Variants in AGBL1 observed in about 807,000 individuals in gnomAD.
AGBL1 encodes cytosolic carboxypeptidase 4.
A neutral mutation model predicts 118.9 loss-of-function variants in AGBL1; 130 were observed. The observed-to-expected ratio is 1.09, with a 90% confidence interval of 0.95 to 1.26. AGBL1 has a LOEUF of 1.26. Ranked by LOEUF, AGBL1 falls within the 50% of genes most tolerant of loss-of-function variation. The pLI is 0.00. For missense variants in AGBL1, 1,584 were observed against 1,298.1 expected (o/e 1.22, Z -3.38); for synonymous variants, 555 against 478.9 (o/e 1.16, Z -2.08).
intron 21 of AGBL1, among the ~76,000 whole-genome samples, chr15:86,621,540 T>C (rs2084804404): frequency 6.6e-6 from 1 of 152,192 alleles, no homozygotes; most frequent in Admixed American, 6.5e-5. Context: ...CTTCTCAGTG[T>C]GTCTCTGTGT....
intron 17 of AGBL1, among the ~76,000 whole-genome samples, chr15:86,331,278 C>A (rs2080265288): frequency 6.7e-6 from 1 of 149,792 alleles, no homozygotes; most frequent in Non-Finnish European, 1.5e-5. Context: ...GTAAAGTGAC[C>A]AAATCTATGA....
chr15:86,724,765 A>G (rs1168732638), intron 22 of AGBL1, among the ~76,000 whole-genome samples: 1 of 152,084 alleles, frequency 6.6e-6, no homozygotes, highest in African/African-American at 2.4e-5. Context: ...TCAGTATAGT[A>G]AGTTCTTGTA....
intron 1 of AGBL1, chr15:86,107,616 T>C (rs1487418915): frequency 6.6e-6 from 1 of 152,230 alleles, no homozygotes; most frequent in Non-Finnish European, 1.5e-5. Flanking sequence ...AATCACTTTC[T>C]TACAAGCTTA....
chr15:86,889,061 G>T (rs2080013347), intron 22 of AGBL1, among the ~76,000 whole-genome samples: 1 of 151,946 alleles, frequency 6.6e-6, no homozygotes, highest in Non-Finnish European at 1.5e-5. Context: ...ACTTTTCAAA[G>T]GATTAAATCC....
At chr15:86,260,890 AG>A (rs996564301) in intron 9 of AGBL1, among the ~76,000 whole-genome samples, 13 of 152,340 alleles carry the variant, frequency 8.5e-5, no homozygotes, top group African/African-American at 2.6e-4. Context: ...CCTCCAGATA[AG>A]AATAAATGCC....
At chr15:86,861,854 A>G (rs1019766582) in intron 22 of AGBL1, among the ~76,000 whole-genome samples, 2 of 152,234 alleles carry the variant, frequency 1.3e-5, no homozygotes. Context: ...CAAACCAACT[A>G]TATGTCATCA....
chr15:86,745,974 C>G (rs2077750725), intron 22 of AGBL1, among the ~76,000 whole-genome samples: 1 of 151,990 alleles, frequency 6.6e-6, no homozygotes, highest in Non-Finnish European at 1.5e-5. Flanking sequence ...GAATACAGCT[C>G]CCATTCTTTG....
At chr15:86,899,959 G>C (rs2080188270) in intron 22 of AGBL1, among the ~76,000 whole-genome samples, 1 of 152,170 alleles carries the variant, frequency 6.6e-6, no homozygotes, top group Non-Finnish European at 1.5e-5. Context: ...TGAACAGCTA[G>C]AATAAAGCAG....
chr15:86,213,732 C>A, intron 5 of AGBL1, among the ~76,000 whole-genome samples: 1 of 152,150 alleles, frequency 6.6e-6, no homozygotes. Flanking sequence ...ACAAGAATAA[C>A]TCTTTTTGTT....
At chr15:86,639,052 C>T (rs1020943033) in intron 21 of AGBL1, among the ~76,000 whole-genome samples, 3 of 152,198 alleles carry the variant, frequency 2.0e-5, no homozygotes, top group Non-Finnish European at 4.4e-5. Flanking sequence ...CAGCTCACTT[C>T]ATCCATCTAG....
chr15:86,298,860 C>T (rs1038799895), intron 17 of AGBL1, among the ~76,000 whole-genome samples: 16 of 152,188 alleles, frequency 1.1e-4, no homozygotes, highest in Admixed American at 7.9e-4. Flanking sequence ...CCTCTCAAGG[C>T]TGGTTCCCCT....
intron 20 of AGBL1, among the ~76,000 whole-genome samples, chr15:86,552,258 C>T (rs2083673508): frequency 6.6e-6 from 1 of 152,114 alleles, no homozygotes; most frequent in Admixed American, 6.6e-5. Context: ...TGGGAAATCC[C>T]TGCATCTTCC....
rs1426140201 is a variant in AGBL1, at chr15:86,908,861, A to G, written c.*1567A>G. On this transcript the variant is annotated 3_prime_UTR_variant, in exon 23 of 23. Coordinates refer to ENST00000614907, the MANE Select transcript of AGBL1 (RefSeq NM_001386094.1). ...TAGGTTTAGCTGCAAGAGATGGACA[A>G]CTTATCATAGTAGTAGCTTTCATAA... 1.3e-5 allele frequency: 2 copies of G among 152,222 alleles called. No individual in the cohort carries two copies. Among genetic ancestry groups the G allele is most frequent in the Non-Finnish European group, 2.9e-5 (2 of 68,048 alleles). The allele number at this position is 152,222 out of a possible 1,614,324, so 9.4% of individuals were successfully genotyped here. A position where few individuals can be genotyped will look rare whatever the true frequency, so the allele number is the denominator to read the frequency against.
At chr15:86,802,946 A>G (rs1322145732) in intron 22 of AGBL1, among the ~76,000 whole-genome samples, 1 of 152,206 alleles carries the variant, frequency 6.6e-6, no homozygotes, top group Non-Finnish European at 1.5e-5. Context: ...ATAGGTAAGA[A>G]GCAAATCACT....
intron 22 of AGBL1, among the ~76,000 whole-genome samples, chr15:86,713,808 A>G (rs1294814855): frequency 2.0e-5 from 3 of 152,002 alleles, no homozygotes; most frequent in African/African-American, 7.3e-5. Flanking sequence ...CCATGAATCT[A>G]CTAAAAGAAA....
chr15:86,998,707 G>GT lies in AGBL1; in HGVS notation c.3323+10620dup, dbSNP rs140139109. 3.5e-3 allele frequency among the ~76,000 whole-genome samples: 538 copies of GT among 152,286 alleles called. 2 individuals carry two copies. Among genetic ancestry groups the GT allele is most frequent in the Non-Finnish European group, 6.0e-3 (409 of 68,010 alleles). Reference sequence around the variant, plus strand: ...CTGATATACAGAATCTCATTTGGTTGTAACAATCATTCTGCAAAGTAAGGC... The same window carrying GT: ...CTGATATACAGAATCTCATTTGGTTGTTAACAATCATTCTGCAAAGTAAGGC... On this transcript the variant is annotated intron_variant, in intron 24 of 24. Transcript: ENST00000441037.
At chr15:86,440,423 G>A (rs2082048515) in intron 18 of AGBL1, among the ~76,000 whole-genome samples, 1 of 151,564 alleles carries the variant, frequency 6.6e-6, no homozygotes, top group Admixed American at 6.6e-5. Context: ...GTACGATCAA[G>A]AATCTGTTAT....
intron 22 of AGBL1, among the ~76,000 whole-genome samples, chr15:86,883,581 G>T (rs1399466561): frequency 6.6e-6 from 1 of 152,068 alleles, no homozygotes; most frequent in Admixed American, 6.6e-5. Flanking sequence ...CTGTTCCTCT[G>T]CTAGAACATT....
chr15:86,808,270 G>C (rs74027110), intron 22 of AGBL1, among the ~76,000 whole-genome samples: 1 of 152,090 alleles, frequency 6.6e-6, no homozygotes, highest in Non-Finnish European at 1.5e-5. Context: ...CATGCTACCC[G>C]TGCCTTTCCT....
Sources: gnomAD v4.1 joint callset for allele counts (sites outside exome capture counted in the v4.1 genomes callset) on GRCh38, gnomAD v4.1.1 for gene constraint, MANE v1.5 for transcripts, NCBI Gene and HGNC (gene_info 2026-07-23, HGNC 2026-07-21) for gene names.